RORA: variants seen among roughly 807,000 people sequenced by gnomAD.
The protein encoded by RORA is nuclear receptor ROR-alpha.
A neutral mutation model predicts 69.5 loss-of-function variants in RORA; 7 were observed. The ratio of observed to expected loss-of-function variants is 0.10; its 90% confidence interval spans 0.06 to 0.19. The LOEUF is 0.19. RORA is among the 10% of genes least tolerant of loss of function. RORA has a pLI of 1.00. For missense variants in RORA, 457 were observed against 663.0 expected (o/e 0.69, Z 3.41); for synonymous variants, 261 against 240.8 (o/e 1.08, Z -0.78).
intron 1 of RORA, among the ~76,000 whole-genome samples, chr15:60,916,329 T>C (rs1410905416): frequency 1.3e-5 from 2 of 152,210 alleles, no homozygotes; most frequent in Non-Finnish European, 2.9e-5. Flanking sequence ...AGATTCACAA[T>C]GCATTGGAAA....
chr15:60,715,512 T>C (rs1363469311), intron 1 of RORA, among the ~76,000 whole-genome samples: 1 of 152,206 alleles, frequency 6.6e-6, no homozygotes, highest in Non-Finnish European at 1.5e-5. Flanking sequence ...AGAAGAAGCC[T>C]GGACAAACAA....
At chr15:60,996,776 G>GGT (rs879330519) in intron 1 of RORA, among the ~76,000 whole-genome samples, 34,350 of 151,976 alleles carry the variant, frequency 0.23, 4,276 homozygotes, top group East Asian at 0.39. Context: ...CGGGAGTGGT[G>GGT]GCAGGCGCCT....
At chr15:61,067,315 T>C (rs1419428446) in intron 1 of RORA, among the ~76,000 whole-genome samples, 5 of 151,894 alleles carry the variant, frequency 3.3e-5, no homozygotes, top group African/African-American at 1.2e-4. Flanking sequence ...TTTTACTATG[T>C]CAGTCAGGCT....
At position 60,595,813 on chromosome 15, in the gene RORA, A is replaced by G. The variant is rs140196329; in HGVS notation, c.197-63962T>C. Among the ~76,000 whole-genome samples, 546 of 152,302 alleles carry G rather than the reference A, an allele frequency of 3.6e-3. 8 individuals are homozygous for G. The highest frequency in any genetic ancestry group is 0.012 in the African/African-American group (517 of 41,556). On this transcript the variant is annotated intron_variant, in intron 2 of 10. Coordinates refer to ENST00000335670, the MANE Select transcript of RORA (RefSeq NM_134261.3). ...TCAAAGGTTTCTGTTGACTAATCTC[A>G]GAAAAAGAAGGCACACAACATACTT...
At position 61,139,215 on chromosome 15, in the gene RORA, T is replaced by G. The variant is rs191551008; in HGVS notation, c.166+89838A>C. On this transcript the variant is annotated intron_variant, in intron 1 of 10. Coordinates refer to ENST00000335670, the MANE Select transcript of RORA (RefSeq NM_134261.3). ...CTCTATCTTTAATGCTAATATGCAC[T>G]GAGAAGCAACAAAGGGGTGATAGGG... Among the ~76,000 whole-genome samples the G allele has an allele frequency of 1.4e-3, 211 of 152,080 alleles. 1 individual carries two copies. Among genetic ancestry groups the G allele is most frequent in the African/African-American group, 5.0e-3 (207 of 41,490 alleles).
intron 2 of RORA, among the ~76,000 whole-genome samples, chr15:60,564,646 G>A (rs1247009104): frequency 6.6e-6 from 1 of 152,088 alleles, no homozygotes; most frequent in African/African-American, 2.4e-5. Context: ...GTGGGGGCCT[G>A]GGAAGACTAC....
At chr15:60,503,845 C>T (rs1470145198) in intron 6 of RORA, among the ~76,000 whole-genome samples, 178 bp from the exon 7 acceptor site, 1 of 152,178 alleles carries the variant, frequency 6.6e-6, no homozygotes, top group African/African-American at 2.4e-5. Flanking sequence ...CTCTGTCACC[C>T]AGGCTGGAGT....
chr15:60,850,173 C>T (rs116311324), intron 1 of RORA, among the ~76,000 whole-genome samples: 3 of 152,102 alleles, frequency 2.0e-5, no homozygotes, highest in African/African-American at 7.2e-5. Flanking sequence ...AGGCTGATGC[C>T]CTCACTCATT....
chr15:61,203,293 T>C (rs1007633396), intron 1 of RORA, among the ~76,000 whole-genome samples: 5 of 152,224 alleles, frequency 3.3e-5, no homozygotes, highest in African/African-American at 1.2e-4. Flanking sequence ...TAATCTATGA[T>C]GATGGAAGAC....
intron 1 of RORA, among the ~76,000 whole-genome samples, chr15:60,900,764 C>T (rs935289164): frequency 1.3e-5 from 2 of 151,842 alleles, no homozygotes; most frequent in African/African-American, 2.4e-5. Flanking sequence ...CCCAGCTACT[C>T]GGGAGGCTGA....
chr15:61,053,525 A>G (rs1186150813), intron 1 of RORA, among the ~76,000 whole-genome samples: 4 of 152,016 alleles, frequency 2.6e-5, no homozygotes, highest in Non-Finnish European at 5.9e-5. Flanking sequence ...CTGATCAGCT[A>G]CAAATGGGCA....
chr15:60,771,042 G>T (rs980575626), intron 1 of RORA, among the ~76,000 whole-genome samples: 1 of 152,142 alleles, frequency 6.6e-6, no homozygotes, highest in Non-Finnish European at 1.5e-5. Context: ...ACCTCTCTGG[G>T]CATGTTGTAT....
chr15:60,859,474 C>CG (rs2073414603), intron 1 of RORA, among the ~76,000 whole-genome samples: 1 of 135,444 alleles, frequency 7.4e-6, no homozygotes, highest in African/African-American at 2.7e-5. Flanking sequence ...TTTTCTTTGC[C>CG]TTTTTTTTTT....
At chr15:60,570,458 G>A (rs2067846607) in intron 2 of RORA, among the ~76,000 whole-genome samples, 1 of 152,078 alleles carries the variant, frequency 6.6e-6, no homozygotes, top group South Asian at 2.1e-4. Flanking sequence ...AGTCTCCTGA[G>A]TAGCTGGGAC....
chr15:61,116,813 A>G (rs1168615346), intron 1 of RORA, among the ~76,000 whole-genome samples: 1 of 152,134 alleles, frequency 6.6e-6, no homozygotes, highest in East Asian at 1.9e-4. Context: ...AATAGAAAAA[A>G]TATAACTAAA....
chr15:60,845,968 A>G (rs527847467), intron 1 of RORA, among the ~76,000 whole-genome samples: 1 of 152,240 alleles, frequency 6.6e-6, no homozygotes, highest in East Asian at 1.9e-4. Context: ...GATGGTCTCA[A>G]TCTCCTGACC....
chr15:60,884,126 T>C (rs554625023), intron 1 of RORA, among the ~76,000 whole-genome samples: 2 of 151,870 alleles, frequency 1.3e-5, no homozygotes, highest in South Asian at 4.2e-4. Flanking sequence ...ATTGCGTCCG[T>C]GGCTGACAAA....
chr15:61,112,895 G>C (rs1273632576), intron 1 of RORA, among the ~76,000 whole-genome samples: 1 of 152,216 alleles, frequency 6.6e-6, no homozygotes, highest in Non-Finnish European at 1.5e-5. Context: ...CGAGGATGTT[G>C]CCTTACTGGG....
At chr15:60,819,746 GACACACACACACACACACAC>G (rs59044853) in intron 1 of RORA, among the ~76,000 whole-genome samples, 2 of 119,290 alleles carry the variant, frequency 1.7e-5, no homozygotes, top group Non-Finnish European at 3.5e-5. Flanking sequence ...GTCAAACCCA[GACACACACACACACACACAC>G]ACACACACAC....
Sources: allele counts gnomAD v4.1 joint callset (sites outside exome capture counted in the v4.1 genomes callset), GRCh38; gene constraint gnomAD v4.1.1; transcripts MANE v1.5; gene names NCBI Gene and HGNC (gene_info 2026-07-23, HGNC 2026-07-21).